Variants in LRP1B observed in about 807,000 individuals in gnomAD.
LRP1B encodes the protein LDL receptor related protein 1B.
A neutral mutation model predicts 556.6 loss-of-function variants in LRP1B; 217 were observed. The ratio of observed to expected loss-of-function variants is 0.39; its 90% CI spans 0.35 to 0.44. LRP1B has a LOEUF of 0.44. LRP1B is among the 20% of genes least tolerant of loss of function. The pLI is 1.00. For synonymous variants in LRP1B, 2,047 were observed against 1,865.8 expected (o/e 1.10, Z -2.50); for missense variants, 5,053 against 5,620.8 (o/e 0.90, Z 3.23).
intron 11 of LRP1B, among the ~76,000 whole-genome samples, chr2:141,045,672 T>C (rs543098269): frequency 6.8e-6 from 1 of 146,674 alleles, no homozygotes; most frequent in East Asian, 2.0e-4. Flanking sequence ...CTTTCTGCTG[T>C]TGGATATATG....
intron 37 of LRP1B, among the ~76,000 whole-genome samples, chr2:140,714,286 A>C (rs1687136179): frequency 6.6e-6 from 1 of 152,146 alleles, no homozygotes; most frequent in Non-Finnish European, 1.5e-5. Flanking sequence ...CCTAGCACTC[A>C]ATAAACGTTA....
intron 4 of LRP1B, among the ~76,000 whole-genome samples, chr2:141,248,581 G>A (rs1172407868): frequency 6.6e-6 from 1 of 152,138 alleles, no homozygotes; most frequent in Non-Finnish European, 1.5e-5. Flanking sequence ...CAAAGAAGAA[G>A]CATAAGGAGT....
At chr2:141,760,649 G>A (rs1373603769) in intron 2 of LRP1B, among the ~76,000 whole-genome samples, 1 of 152,152 alleles carries the variant, frequency 6.6e-6, no homozygotes, top group Non-Finnish European at 1.5e-5. Context: ...GTTGGGTCAT[G>A]GATTGTTACA....
chr2:142,031,329 T>TA (rs1277079845), intron 1 of LRP1B, among the ~76,000 whole-genome samples: 3 of 87,930 alleles, frequency 3.4e-5, no homozygotes, highest in African/African-American at 1.2e-4. Context: ...TGATTATACT[T>TA]ATTTTTTTTT....
At chr2:140,600,766 G>GTTTT (rs1558996101) in intron 42 of LRP1B, among the ~76,000 whole-genome samples, 2 of 46,174 alleles carry the variant, frequency 4.3e-5, no homozygotes, top group African/African-American at 1.6e-4. Context: ...TGTTCTTCGG[G>GTTTT]GTTTTTTTTT....
chr2:141,963,820 G>A (rs1378676286), intron 1 of LRP1B, among the ~76,000 whole-genome samples: 2 of 145,788 alleles, frequency 1.4e-5, no homozygotes, highest in South Asian at 2.2e-4. Context: ...GTTTGCAGAC[G>A]ACATGATTGT....
At chr2:141,918,141 T>A (rs929965446) in intron 1 of LRP1B, among the ~76,000 whole-genome samples, 7 of 152,142 alleles carry the variant, frequency 4.6e-5, no homozygotes, top group South Asian at 2.1e-4. Flanking sequence ...TATACTTTTT[T>A]AAAAAATACA....
rs1377904537 is a variant in LRP1B, at chr2:142,048,768, CTAAGTTGAA to C, written c.82+81871_82+81879del. ...CATCAATGAAAGAGAACCTTATGGT[CTAAGTTGAA>C]TAACTATTGGGCAATGAAAATTGCA... On this transcript the variant is annotated intron_variant, in intron 1 of 90. Coordinates refer to ENST00000389484, the MANE Select transcript of LRP1B (RefSeq NM_018557.3). Among the ~76,000 whole-genome samples, 6 of 152,006 alleles carry C rather than the reference CTAAGTTGAA, an allele frequency of 3.9e-5. No homozygotes were observed. The East Asian group carries it at 1.2e-3, about 30-fold the overall frequency.
intron 22 of LRP1B, among the ~76,000 whole-genome samples, chr2:140,904,848 GA>G (rs953314135): frequency 1.7e-4 from 26 of 151,168 alleles, no homozygotes; most frequent in African/African-American, 6.1e-4. Context: ...AGGAGGTAAA[GA>G]AAAAAAAATT....
chr2:141,007,275 A>G (rs1304455480), intron 14 of LRP1B, among the ~76,000 whole-genome samples: 1 of 151,860 alleles, frequency 6.6e-6, no homozygotes, highest in African/African-American at 2.4e-5. Flanking sequence ...GCTCCTCTAT[A>G]CAAATAAATA....
chr2:140,760,509 C>T (rs1398644271), intron 35 of LRP1B, among the ~76,000 whole-genome samples: 1 of 152,208 alleles, frequency 6.6e-6, no homozygotes, highest in African/African-American at 2.4e-5. Context: ...GCTTGGCCTT[C>T]TGAATCCCAC....
chr2:141,112,047 AAAAT>A (rs1163850427), intron 7 of LRP1B, among the ~76,000 whole-genome samples: 12 of 99,432 alleles, frequency 1.2e-4, no homozygotes, highest in African/African-American at 1.4e-4. Context: ...CCCTGCCTCA[AAAAT>A]AAATAAATAA....
rs565288576 is a variant in LRP1B, at chr2:140,775,979, T to C, written c.5500+119A>G. 238 of 870,600 alleles carry C rather than the reference T, an allele frequency of 2.7e-4. 1 individual carries two copies. In the African/African-American group the frequency reaches 3.7e-3, roughly 13 times the overall value. The allele number at this position is 870,600 out of a possible 1,614,324, so 53.9% of individuals were successfully genotyped here. ...ACAGTAGTAAGCAACATTTTCCTTTTTTCTCTGTTTTTATTAGAAGCAAGA... is the reference window on the plus strand; with the variant it reads ...ACAGTAGTAAGCAACATTTTCCTTTCTTCTCTGTTTTTATTAGAAGCAAGA... On this transcript the variant is annotated intron_variant, in intron 33 of 90. Transcript: ENST00000389484.
chr2:141,188,581 C>A lies in LRP1B; in HGVS notation c.853G>T (p.Val285Leu), dbSNP rs1428500668. ...AGCCAGTCAATCGCCATTTGTTGCA[C>A]ATCTGAAAAACACATACACAAAATC... ...TINILQSFHN[V>L]QQMAIDWLTR... Residue 285 changes from valine (V) to leucine (L), a missense_variant and splice_region_variant, in exon 7 of 91, where the codon GTG becomes TTG. Around this residue, in one of 5 missense-constraint regions of LRP1B, gnomAD observed 3,619 missense variants for 3,931.9 expected, o/e 0.92. Transcript: ENST00000389484. The A allele has an allele frequency of 6.2e-7, 1 of 1,611,530 alleles. No individual in the cohort carries two copies. The highest frequency in any genetic ancestry group is 1.3e-5 in the African/African-American group (1 of 74,850).
At chr2:140,428,600 T>C (rs13002200) in intron 66 of LRP1B, among the ~76,000 whole-genome samples, 28,546 of 152,086 alleles carry the variant, frequency 0.19, 3,383 homozygotes, top group African/African-American at 0.33. Context: ...CTCGGCTTAG[T>C]GGCTGAAGAC....
At chr2:140,370,545 G>T (rs543037968) in intron 71 of LRP1B, among the ~76,000 whole-genome samples, 165 bp downstream of exon 71, 1 of 152,010 alleles carries the variant, frequency 6.6e-6, no homozygotes, top group African/African-American at 2.4e-5. Context: ...ACAATGATCT[G>T]GATTTTGCAT....
At chr2:141,956,080 TTGAG>T (rs1377453459) in intron 1 of LRP1B, among the ~76,000 whole-genome samples, 1 of 152,006 alleles carries the variant, frequency 6.6e-6, no homozygotes, top group Non-Finnish European at 1.5e-5. Flanking sequence ...ATTGTCTGGA[TTGAG>T]TATCTGTTTC....
intron 3 of LRP1B, among the ~76,000 whole-genome samples, chr2:141,257,627 G>A (rs930679679): frequency 2.0e-5 from 3 of 152,112 alleles, no homozygotes; most frequent in Admixed American, 6.6e-5. Flanking sequence ...GTTGAAAATA[G>A]CAAAATATAG....
At chr2:141,689,530 A>C (rs1313987968) in intron 2 of LRP1B, among the ~76,000 whole-genome samples, 1 of 149,644 alleles carries the variant, frequency 6.7e-6, no homozygotes, top group East Asian at 2.0e-4. Flanking sequence ...GCAAATATGT[A>C]TTGCTATTGC....
Sources: gnomAD v4.1 joint callset for allele counts (sites outside exome capture counted in the v4.1 genomes callset) on GRCh38, gnomAD v4.1.1 for gene constraint, gnomAD v4.1.1 regional missense constraint, MANE v1.5 for transcripts, NCBI Gene and HGNC (gene_info 2026-07-23, HGNC 2026-07-21) for gene names.